The following CHL1 variants were observed in gnomAD, a reference collection of about 807,000 sequenced individuals.
CHL1 encodes cell adhesion molecule L1 like, also known as neural cell adhesion molecule L1-like protein.
Under a neutral mutation model 141.9 loss-of-function variants are expected in CHL1, and 96 were observed. That is an observed-to-expected ratio of 0.68 (90% CI 0.57 to 0.80). CHL1 has a LOEUF of 0.80. Ranked by LOEUF, CHL1 falls within the 30% of genes least tolerant of loss-of-function variation. The probability of loss-of-function intolerance (pLI) is 0.00; values close to 1 mark genes in which losing one functional copy is unlikely to be tolerated. For synonymous variants in CHL1, 613 were observed against 502.2 expected, an observed-to-expected ratio of 1.22 and a Z score of -2.95; for missense variants, 1,820 against 1,457.2, an observed-to-expected ratio of 1.25 and a Z score of -4.05.
At chr3:323,745 G>C (rs1460774894) in intron 3 of CHL1, among the ~76,000 whole-genome samples, 2 of 152,060 alleles carry the variant, frequency 1.3e-5, no homozygotes, top group Non-Finnish European at 2.9e-5. Flanking sequence ...ATGGCCTTTA[G>C]TTCTAGCCAC....
chr3:260,903 C>A (rs1694655917), intron 2 of CHL1, among the ~76,000 whole-genome samples: 1 of 152,214 alleles, frequency 6.6e-6, no homozygotes, highest in Non-Finnish European at 1.5e-5. Context: ...AGCTCTGTAA[C>A]CACCAGATTG....
intron 11 of CHL1, among the ~76,000 whole-genome samples, chr3:359,341 T>A (rs962942438): frequency 1.3e-5 from 2 of 152,086 alleles, no homozygotes; most frequent in East Asian, 3.8e-4. Context: ...TCTCTCTCCA[T>A]CACCCAGTCT....
At chr3:367,867 A>T (rs537667395) in intron 15 of CHL1, among the ~76,000 whole-genome samples, 24 of 151,728 alleles carry the variant, frequency 1.6e-4, no homozygotes, top group African/African-American at 5.6e-4. Flanking sequence ...TTCTTCTCCC[A>T]CATGTTTGCT....
intron 2 of CHL1, among the ~76,000 whole-genome samples, chr3:292,791 G>A (rs141056557): frequency 1.1e-3 from 171 of 152,260 alleles, no homozygotes; most frequent in African/African-American, 3.7e-3. Context: ...GGGAGAGAGT[G>A]GGGGAGGCGC....
At chr3:342,669 T>G (rs1222954637) in intron 7 of CHL1, among the ~76,000 whole-genome samples, 1 of 152,154 alleles carries the variant, frequency 6.6e-6, no homozygotes, top group Non-Finnish European at 1.5e-5. Context: ...ACCATTTCAT[T>G]GTTTAATTTG....
chr3:198,195 G>C, intron 1 of CHL1: 1 of 174,746 alleles, frequency 5.7e-6, no homozygotes, highest in Non-Finnish European at 1.2e-5. Flanking sequence ...GGCGGCGGAG[G>C]GCAGGTGTGC....
At chr3:280,950 GT>G (rs1559194461) in intron 2 of CHL1, among the ~76,000 whole-genome samples, 1 of 151,684 alleles carries the variant, frequency 6.6e-6, no homozygotes. Context: ...CACAACAACT[GT>G]TTGCTACAGG....
chr3:363,417 G>T (rs370444508), intron 14 of CHL1, 34 bp downstream of exon 14: 5 of 1,568,308 alleles, frequency 3.2e-6, no homozygotes, highest in African/African-American at 2.7e-5. Context: ...TGCATGAATT[G>T]TCACATGGGT....
chr3:295,670 T>C (rs1222586398), intron 2 of CHL1, among the ~76,000 whole-genome samples: 2 of 152,208 alleles, frequency 1.3e-5, no homozygotes, highest in African/African-American at 4.8e-5. Context: ...TCTCTGCTTT[T>C]GGATATGTAA....
At chr3:384,969 G>A (rs1038726837) in intron 19 of CHL1, among the ~76,000 whole-genome samples, 1 of 152,100 alleles carries the variant, frequency 6.6e-6, no homozygotes, top group African/African-American at 2.4e-5. Flanking sequence ...CCACTTCAGT[G>A]AAATTAAGTT....
At position 408,338 on chromosome 3, in the gene CHL1, A is replaced by G. The variant is rs562908360; in HGVS notation, c.*2627A>G. The G allele has an allele frequency of 6.6e-6, 1 of 152,248 alleles. No homozygotes were observed. Among genetic ancestry groups the G allele is most frequent in the South Asian group, 2.1e-4 (1 of 4,824 alleles). The allele number at this position is 152,248 out of a possible 1,614,324, so 9.4% of individuals were successfully genotyped here. A position where few individuals can be genotyped will look rare whatever the true frequency, so the allele number is the denominator to read the frequency against. On this transcript the variant is annotated 3_prime_UTR_variant, in exon 28 of 28. Transcript: ENST00000256509. ...ATAGTCTCAAGAATGGTTGGTGGGCATGAGTTCCTAGAGAACTGTCCAAGG... is the reference window on the plus strand; with the variant it reads ...ATAGTCTCAAGAATGGTTGGTGGGCGTGAGTTCCTAGAGAACTGTCCAAGG...
At chr3:354,518 C>A in intron 10 of CHL1, 122 bp from the exon 11 acceptor site, 2 of 1,077,526 alleles carry the variant, frequency 1.9e-6, no homozygotes, top group East Asian at 2.5e-5. Context: ...CCAAAAAGAG[C>A]TACTATGAAA....
chr3:292,254 T>C (rs2125345109), intron 2 of CHL1, among the ~76,000 whole-genome samples: 1 of 152,350 alleles, frequency 6.6e-6, no homozygotes, highest in African/African-American at 2.4e-5. Flanking sequence ...CTGTGTTGTT[T>C]CTGCAAACAG....
chr3:388,813 T>G (rs1707986347), intron 19 of CHL1, among the ~76,000 whole-genome samples: 2 of 152,240 alleles, frequency 1.3e-5, no homozygotes, highest in African/African-American at 4.8e-5. Flanking sequence ...GAAAGAGTTC[T>G]CTTCAAAAAG....
chr3:317,692 C>T (rs528210098), intron 2 of CHL1, among the ~76,000 whole-genome samples: 30 of 149,872 alleles, frequency 2.0e-4, no homozygotes, highest in African/African-American at 5.4e-4. Context: ...TTCGAAGGGG[C>T]AGGGCATTGA....
rs530553795 is a variant in CHL1, at chr3:345,441, C to CATTTATTT, written c.848+750_848+757dup. Among the ~76,000 whole-genome samples the CATTTATTT allele has an allele frequency of 3.7e-3, 431 of 115,220 alleles. 2 individuals are homozygous for CATTTATTT. The highest frequency in any genetic ancestry group is 0.015 in the African/African-American group (411 of 28,028). 75.6% of individuals were successfully genotyped at this position (115,220 alleles called of 152,430 possible). ...TTTCTTTACACCTGAAAAAGCAATC[C>CATTTATTT]ATTTATTTATTTATTTATTTATTTA... On this transcript the variant is annotated intron_variant, in intron 9 of 27. Transcript: ENST00000256509.
chr3:331,994 G>C (rs931796060), intron 5 of CHL1, among the ~76,000 whole-genome samples: 1 of 152,214 alleles, frequency 6.6e-6, no homozygotes, highest in Non-Finnish European at 1.5e-5. Flanking sequence ...CCAGTTTACT[G>C]CGTGATCTTT....
intron 11 of CHL1, among the ~76,000 whole-genome samples, chr3:356,240 G>T (rs1008828195): frequency 1.3e-5 from 2 of 152,148 alleles, no homozygotes; most frequent in African/African-American, 4.8e-5. Context: ...GAATGTTCAG[G>T]TTACAAAAGT....
At chr3:363,559 A>G (rs1704504109) in intron 14 of CHL1, 176 bp downstream of exon 14, 5 of 586,542 alleles carry the variant, frequency 8.5e-6, no homozygotes, top group Admixed American at 3.2e-5. Context: ...ACTACAGGGT[A>G]TGCCCATGAT....
Sources: gnomAD v4.1 joint callset for allele counts (sites outside exome capture counted in the v4.1 genomes callset) on GRCh38, gnomAD v4.1.1 for gene constraint, MANE v1.5 for transcripts, NCBI Gene and HGNC (gene_info 2026-07-23, HGNC 2026-07-21) for gene names.